Variants in MTG1 observed in about 807,000 individuals in gnomAD.
The protein encoded by MTG1 is mitochondrial ribosome-associated GTPase 1.
Under a neutral mutation model 39.5 loss-of-function variants are expected in MTG1, and 30 were observed. The ratio of observed to expected loss-of-function variants is 0.76; its 90% CI spans 0.57 to 1.03. The LOEUF (loss-of-function observed/expected upper bound fraction) is 1.03. MTG1 is among the 50% of genes least tolerant of loss of function. The pLI is 0.00. For missense variants in MTG1, 513 were observed against 447.4 expected (o/e 1.15, Z -1.32); for synonymous variants, 217 against 179.0 (o/e 1.21, Z -1.69).
chr10:133,394,289 C>T lies in MTG1; in HGVS notation c.69C>T (p.Cys23=), dbSNP rs1167019844. The change falls in exon 1 of 11, where the codon TGC becomes TGT. Residue 23 remains cysteine (C), a synonymous_variant. Coordinates refer to ENST00000317502, the MANE Select transcript of MTG1 (RefSeq NM_138384.4). ...QAAWRENFPL[C]GRDVARWFPG... ...CCTGGCGGGAGAACTTCCCCCTGTG[C>T]GGTCGCGACGTGGCGCGCTGGTTCC... The T allele has an allele frequency of 6.6e-7, 1 of 1,517,462 alleles. No individual in the cohort carries two copies. The allele number at this position is 1,517,462 out of a possible 1,614,324, so 94.0% of individuals were successfully genotyped here.
chr10:133,413,928 T>TC (rs1199368304), intron 9 of MTG1, among the ~76,000 whole-genome samples: 1 of 151,636 alleles, frequency 6.6e-6, no homozygotes, highest in African/African-American at 2.4e-5. Flanking sequence ...CTTTTTTTTT[T>TC]TTTTTTATTG....
Position 133,394,241 on chromosome 10 carries a change from GCTGTGCAGCGCC to G in MTG1, c.22_33del (p.Leu8_Ala11del). 1.3e-6 allele frequency: 2 copies of G among 1,514,516 alleles called. No homozygotes were observed. Among genetic ancestry groups the G allele is most frequent in the Non-Finnish European group, 1.8e-6 (2 of 1,136,152 alleles). 93.8% of individuals were successfully genotyped at this position (1,514,516 alleles called of 1,614,324 possible). On this transcript the variant is annotated inframe_deletion, in exon 1 of 11. Transcript: ENST00000317502. ...CCGCCATGAGATTGACCCCGCGCGC[GCTGTGCAGCGCC>G]GCCCAGGCCGCCTGGCGGGAGAACT...
At position 133,402,673 on chromosome 10, in the gene MTG1, T is replaced by G. The variant is rs1158033566; in HGVS notation, c.671-19T>G. 1 of 1,589,502 alleles carries G rather than the reference T, an allele frequency of 6.3e-7. No homozygotes were observed. The highest frequency in any genetic ancestry group is 8.6e-7 in the Non-Finnish European group (1 of 1,168,174). On this transcript the variant is annotated intron_variant, in intron 8 of 10. Transcript: ENST00000317502. The surrounding 1 kb of genome is among the most constrained non-coding windows in gnomAD (Gnocchi z 4.7). The stretch of plus-strand genomic sequence containing the variant: ...GATGTGGCTGTTTCCAGTGCTCACC[T>G]CGGCTGCTGCTTCCACAGGAACGGT...
chr10:133,395,835 A>AT, intron 2 of MTG1, 58 bp downstream of exon 2: 1 of 1,553,060 alleles, frequency 6.4e-7, no homozygotes, highest in African/African-American at 1.4e-5. Context: ...ACACATTAGA[A>AT]TTACCTGGGG....
At position 133,404,336 on chromosome 10, in the gene MTG1, A is replaced by G. The variant is rs576987887; in HGVS notation, c.752+1563A>G. 2.0e-5 allele frequency among the ~76,000 whole-genome samples: 3 copies of G among 152,046 alleles called. No individual in the cohort carries two copies. The East Asian group carries it at 5.8e-4, about 29-fold the overall frequency. On this transcript the variant is annotated intron_variant, in intron 9 of 10. Transcript: ENST00000317502. ...GAGACAGGGTTTCCCCATGTTGCCC[A>G]GGCTGGTCTTGAACTCCTGGGCTCA... is the stretch of plus-strand genomic sequence containing the variant.
chr10:133,396,261 GC>G lies in MTG1; in HGVS notation c.277del (p.Gln93SerfsTer8). The G allele has an allele frequency of 6.2e-7, 1 of 1,613,832 alleles. No homozygotes were observed. Among genetic ancestry groups the G allele is most frequent in the East Asian group, 2.2e-5 (1 of 44,880 alleles). On this transcript the variant is annotated frameshift_variant, in exon 3 of 11. Transcript: ENST00000317502. LOFTEE classifies it high-confidence loss of function. Reference protein sequence around the residue: ...NKMDLADLTEQQKIMQHLEGE... With the variant: ...NKMDLADLTEXQKIMQHLEGE... ...AGATGGACTTGGCGGATCTTACAGA[GC>G]AGCAGGTAAAGGCCTTTCTCTCAGA...
intron 9 of MTG1, among the ~76,000 whole-genome samples, chr10:133,416,378 A>G (rs761267087): frequency 4.4e-5 from 6 of 137,090 alleles, no homozygotes; most frequent in Non-Finnish European, 7.9e-5. Flanking sequence ...GATGATATAT[A>G]TATATATATA....
Position 133,396,241 on chromosome 10 carries a change from G to C in MTG1, c.256G>C (p.Asp86His). The C allele has an allele frequency of 6.2e-7, 1 of 1,614,146 alleles. No homozygotes were observed. ...TCACTTGCTGGTCCTCAACAAGATG[G>C]ACTTGGCGGATCTTACAGAGCAGCA... is the stretch of plus-strand genomic sequence containing the variant. ...KPHLLVLNKM[D>H]LADLTEQQKI... is the part of the protein sequence containing the mutation. The change falls in exon 3 of 11, where the codon GAC becomes CAC. Residue 86 changes from aspartate (D) to histidine (H), a missense_variant. Transcript: ENST00000317502.
At position 133,406,665 on chromosome 10, in the gene MTG1, C is replaced by CTT. The variant is rs34249527; in HGVS notation, c.752+3909_752+3910dup. Among the ~76,000 whole-genome samples the CTT allele has an allele frequency of 6.2e-3, 759 of 122,912 alleles. 19 individuals carry two copies. The highest frequency in any genetic ancestry group is 6.8e-3 in the Non-Finnish European group (417 of 61,010). 80.6% of individuals were successfully genotyped at this position (122,912 alleles called of 152,430 possible). A position where few individuals can be genotyped will look rare whatever the true frequency, so the allele number is the denominator to read the frequency against. ...GAAGTTTCAGGTCTTAGATTTAAGT[C>CTT]TTTTTTTTTTTTTTTTTTGAGAAGG... is the stretch of plus-strand genomic sequence containing the variant. On this transcript the variant is annotated intron_variant, in intron 9 of 10. Coordinates refer to ENST00000317502, the MANE Select transcript of MTG1 (RefSeq NM_138384.4).
intron 9 of MTG1, 103 bp from the exon 10 acceptor site, chr10:133,419,377 C>G (rs1261644985): frequency 2.3e-5 from 20 of 875,310 alleles, no homozygotes; most frequent in Non-Finnish European, 3.0e-5. Flanking sequence ...ACAGGAGGTG[C>G]CTGGCCGTGG....
intron 9 of MTG1, among the ~76,000 whole-genome samples, chr10:133,411,212 A>ATT (rs61096899): frequency 1.3e-5 from 2 of 151,064 alleles, no homozygotes; most frequent in South Asian, 2.1e-4. Context: ...TGACAGTTGC[A>ATT]TTTTTTTTTC....
chr10:133,398,665 G>A (rs896128052), intron 4 of MTG1, 150 bp downstream of exon 4: 7 of 833,570 alleles, frequency 8.4e-6, no homozygotes, highest in Admixed American at 3.0e-5. Flanking sequence ...GCGATCTCCT[G>A]GGGCAAGTGG....
Position 133,419,516 on chromosome 10 carries a change from C to T in MTG1, c.789C>T (p.Asp263=). The T allele has an allele frequency of 6.2e-7, 1 of 1,608,792 alleles. No homozygotes were observed. Among genetic ancestry groups the T allele is most frequent in the South Asian group, 1.1e-5 (1 of 89,868 alleles). The change falls in exon 10 of 11, where the codon GAC becomes GAT. Residue 263 remains aspartate, a synonymous_variant. Coordinates refer to ENST00000317502, the MANE Select transcript of MTG1 (RefSeq NM_138384.4). ...VQHYGLGSAC[D]NVERVLKSVA... is the part of the protein sequence containing the mutation. ...ACTACGGCCTGGGCAGTGCCTGTGA[C>T]AACGTAGAGCGCGTGCTGAAGAGTG...
At chr10:133,406,649 G>A (rs1849974276) in intron 9 of MTG1, among the ~76,000 whole-genome samples, 1 of 150,014 alleles carries the variant, frequency 6.7e-6, no homozygotes, top group South Asian at 2.1e-4. Flanking sequence ...TGAAGTTTCA[G>A]GTCTTAGATT....
intron 3 of MTG1, among the ~76,000 whole-genome samples, chr10:133,397,555 T>C (rs1827677730): frequency 6.6e-6 from 1 of 151,518 alleles, no homozygotes; most frequent in South Asian, 2.1e-4. Flanking sequence ...CTTGACTCAC[T>C]GCAAGCTCTG....
At chr10:133,406,820 A>G (rs1195361188) in intron 9 of MTG1, among the ~76,000 whole-genome samples, 1 of 152,026 alleles carries the variant, frequency 6.6e-6, no homozygotes, top group African/African-American at 2.4e-5. Flanking sequence ...GCCCGCCACC[A>G]TACCTGGCTA....
chr10:133,396,089 C>T lies in MTG1; in HGVS notation c.178-74C>T, dbSNP rs141053786. ...AATGAATTGGCAGGATGTGATGATT[C>T]GTTCACTGATGGCAAGAAAAAAAGT... is the stretch of plus-strand genomic sequence containing the variant. On this transcript the variant is annotated intron_variant, in intron 2 of 10. Transcript: ENST00000317502. 216 of 1,345,734 alleles carry T rather than the reference C, an allele frequency of 1.6e-4. 2 individuals carry two copies. The African/African-American group carries it at 2.4e-3, about 15-fold the overall frequency. The allele number at this position is 1,345,734 out of a possible 1,614,324, so 83.4% of individuals were successfully genotyped here.
rs11101733 is a variant in MTG1, at chr10:133,395,288, G to A, written c.113-425G>A. 9.5e-3 allele frequency among the ~76,000 whole-genome samples: 1,445 copies of A among 152,310 alleles called. 28 individuals are homozygous for A. The highest frequency in any genetic ancestry group is 0.033 in the African/African-American group (1,369 of 41,564). On this transcript the variant is annotated intron_variant, in intron 1 of 10. Transcript: ENST00000317502. ...CGCGTCCCTGTAGTCCCAGCTACTC[G>A]GGAGGCTGAGGCAGGAGAATTGCTT...
intron 9 of MTG1, among the ~76,000 whole-genome samples, chr10:133,418,582 G>A (rs1193510061): frequency 6.6e-6 from 1 of 151,978 alleles, no homozygotes; most frequent in East Asian, 1.9e-4. Context: ...TTTAGAACCT[G>A]TGTTACTCAG....
Sources: allele counts gnomAD v4.1 joint callset (sites outside exome capture counted in the v4.1 genomes callset), GRCh38; gene constraint gnomAD v4.1.1; non-coding constraint Gnocchi (gnomAD v3.1); transcripts MANE v1.5; gene names NCBI Gene and HGNC (gene_info 2026-07-23, HGNC 2026-07-21).